IL1RL2: variants seen among roughly 807,000 people sequenced by gnomAD.
The protein encoded by IL1RL2 is interleukin-1 receptor-like 2.
A neutral mutation model predicts 66.8 loss-of-function variants in IL1RL2; 68 were observed. The ratio of observed to expected loss-of-function variants is 1.02; its 90% CI spans 0.84 to 1.25. The LOEUF (loss-of-function observed/expected upper bound fraction) is 1.25, where lower values mean the gene tolerates loss of function less well. Ranked by LOEUF, IL1RL2 falls within the 50% of genes most tolerant of loss-of-function variation. The pLI is 0.00. For missense variants in IL1RL2, 729 were observed against 709.3 expected (o/e 1.03, Z -0.32); for synonymous variants, 305 against 264.6 (o/e 1.15, Z -1.48).
intron 5 of IL1RL2, among the ~76,000 whole-genome samples, chr2:102,206,211 A>G (rs1053778120): frequency 6.6e-6 from 1 of 152,164 alleles, no homozygotes; most frequent in Non-Finnish European, 1.5e-5. Context: ...TGACTGAAAC[A>G]TCACATATCT....
downstream of IL1RL2, among the ~76,000 whole-genome samples, chr2:102,241,978 G>A (rs1181386893): frequency 6.6e-6 from 1 of 152,200 alleles, no homozygotes; most frequent in Admixed American, 6.5e-5. Flanking sequence ...AGGGAGTGGT[G>A]GAGGACATGA....
At chr2:102,212,277 A>G in intron 6 of IL1RL2, 103 bp downstream of exon 6, 1 of 802,706 alleles carries the variant, frequency 1.2e-6, no homozygotes, top group Non-Finnish European at 2.0e-6. Context: ...GATAAATCCT[A>G]TACACACCCA....
intron 3 of IL1RL2, among the ~76,000 whole-genome samples, chr2:102,191,389 A>T (rs1687220010): frequency 6.6e-6 from 1 of 152,182 alleles, no homozygotes; most frequent in Non-Finnish European, 1.5e-5. Flanking sequence ...CAATGATCTC[A>T]TTGAAGACCT....
intron 8 of IL1RL2, among the ~76,000 whole-genome samples, chr2:102,221,019 C>T (rs992076073): frequency 6.6e-6 from 1 of 152,162 alleles, no homozygotes; most frequent in Non-Finnish European, 1.5e-5. Context: ...AGGCCAGTGT[C>T]GTTCTGGCCT....
intron 5 of IL1RL2, among the ~76,000 whole-genome samples, chr2:102,203,777 T>C (rs190217780): frequency 1.3e-5 from 2 of 152,236 alleles, no homozygotes; most frequent in East Asian, 3.9e-4. Flanking sequence ...TATTCATTTC[T>C]GGTTTTATTT....
At chr2:102,239,076 C>A in intron 11 of IL1RL2, 116 bp from the exon 12 acceptor site, 1 of 831,968 alleles carries the variant, frequency 1.2e-6, no homozygotes. Flanking sequence ...AGGGATATAC[C>A]ACCAGATGAA....
chr2:102,204,764 A>G (rs111776051), intron 5 of IL1RL2, among the ~76,000 whole-genome samples: 5,934 of 151,916 alleles, frequency 0.039, 294 homozygotes, highest in African/African-American at 0.11. Context: ...TTATAGGTGA[A>G]GTGTGGAAAC....
rs755265006 is a variant in IL1RL2 at position 102,235,143 on chromosome 2, G to C, written c.1544G>C (p.Gly515Ala). The C allele has an allele frequency of 3.1e-6, 5 of 1,614,178 alleles. No homozygotes were observed. The South Asian group carries it at 3.3e-5, about 11-fold the overall frequency. ...KQKHGAIRWH[G>A]DFTEQSQCMK... ...AAGCATGGTGCCATCCGGTGGCATGGGGACTTCACGGAGCAGTCACAGTGT... is the reference window on the plus strand; with the variant it reads ...AAGCATGGTGCCATCCGGTGGCATGCGGACTTCACGGAGCAGTCACAGTGT... Residue 515 changes from glycine to alanine, a missense_variant, in exon 11 of 12, where the codon GGG (glycine) becomes GCG (alanine). Transcript: ENST00000264257.
chr2:102,198,717 G>A (rs1304707951), intron 4 of IL1RL2, among the ~76,000 whole-genome samples: 1 of 151,608 alleles, frequency 6.6e-6, no homozygotes, highest in African/African-American at 2.4e-5. Flanking sequence ...CTCTATATTT[G>A]GGTCTTAGGA....
chr2:102,189,548 C>T (rs1687044303), intron 3 of IL1RL2, among the ~76,000 whole-genome samples: 1 of 152,238 alleles, frequency 6.6e-6, no homozygotes, highest in South Asian at 2.1e-4. Flanking sequence ...GACCCACTCA[C>T]AAAGTGTGTT....
intron 6 of IL1RL2, among the ~76,000 whole-genome samples, chr2:102,213,465 A>G (rs1242605460): frequency 1.3e-5 from 2 of 152,232 alleles, no homozygotes; most frequent in Non-Finnish European, 2.9e-5. Context: ...ATAAACATAT[A>G]TCAAAACATC....
At chr2:102,222,650 T>C (rs1236581016) in intron 8 of IL1RL2, among the ~76,000 whole-genome samples, 1 of 151,956 alleles carries the variant, frequency 6.6e-6, no homozygotes, top group Non-Finnish European at 1.5e-5. Context: ...AGTAGGTGAG[T>C]TTGAGACAAG....
rs1350428213 is a variant in IL1RL2, at chr2:102,239,458, G to C, written c.*217G>C. 3.9e-6 allele frequency: 2 copies of C among 507,158 alleles called. No homozygotes were observed. The highest frequency in any genetic ancestry group is 6.1e-5 in the Admixed American group (2 of 33,034). The allele number at this position is 507,158 out of a possible 1,614,324, so 31.4% of individuals were successfully genotyped here. A position where few individuals can be genotyped will look rare whatever the true frequency, so the allele number is the denominator to read the frequency against. The stretch of plus-strand genomic sequence containing the variant: ...GGGGCCATCCCCGTGGTCATGGAGG[G>C]TGAGAGCTGGGGGTTATCCCCATGG... On this transcript the variant is annotated 3_prime_UTR_variant, in exon 12 of 12. Transcript: ENST00000264257.
intron 5 of IL1RL2, among the ~76,000 whole-genome samples, chr2:102,202,163 C>T (rs766284154): frequency 5.3e-5 from 8 of 152,082 alleles, no homozygotes; most frequent in African/African-American, 1.2e-4. Context: ...CCTGGGATAT[C>T]CTGCTGCTCA....
Position 102,239,668 on chromosome 2 carries a change from T to C in IL1RL2, c.*427T>C, listed in dbSNP as rs1429827789. The C allele has an allele frequency of 1.6e-5, 3 of 185,604 alleles. No homozygotes were observed. Among genetic ancestry groups the C allele is most frequent in the Admixed American group, 5.4e-5 (1 of 18,648 alleles). 11.5% of individuals were successfully genotyped at this position (185,604 alleles called of 1,614,324 possible). A position where few individuals can be genotyped will look rare whatever the true frequency, so the allele number is the denominator to read the frequency against. On this transcript the variant is annotated 3_prime_UTR_variant, in exon 12 of 12. Coordinates refer to ENST00000264257, the MANE Select transcript of IL1RL2 (RefSeq NM_003854.4). Reference sequence around the variant, plus strand: ...GGGGGTATCCCTACATCATGGTGGGTGAGAGCTGGGAGCATCCCCATGTCA... The same window carrying C: ...GGGGGTATCCCTACATCATGGTGGGCGAGAGCTGGGAGCATCCCCATGTCA...
intron 11 of IL1RL2, among the ~76,000 whole-genome samples, chr2:102,238,614 T>C (rs1675075792): frequency 6.6e-6 from 1 of 152,128 alleles, no homozygotes; most frequent in Non-Finnish European, 1.5e-5. Flanking sequence ...CACATGCTTG[T>C]TTGGTATTGA....
chr2:102,226,979 C>T (rs1690674586), intron 9 of IL1RL2, among the ~76,000 whole-genome samples: 1 of 152,198 alleles, frequency 6.6e-6, no homozygotes, highest in South Asian at 2.1e-4. Flanking sequence ...GTCTGTGGGC[C>T]TATGTCCTGC....
Position 102,212,103 on chromosome 2 carries a change from A to G in IL1RL2, c.653A>G (p.Glu218Gly). Residue 218 changes from glutamate (E) to glycine (G), a missense_variant, in exon 6 of 12, where the codon GAA becomes GGA. By Grantham distance (98) the Glu-to-Gly change is moderately conservative (BLOSUM62 -2). Coordinates refer to ENST00000264257, the MANE Select transcript of IL1RL2 (RefSeq NM_003854.4). ...VLNGITVSITERAGYGGSVPK... is the reference protein window; with the variant it reads ...VLNGITVSITGRAGYGGSVPK... ...TCCTGTGGGTATGATTTCTTAGCAG[A>G]AAGAGCTGGATATGGAGGAAGTGTC... 6.2e-7 allele frequency: 1 copy of G among 1,612,044 alleles called. No individual in the cohort carries two copies.
chr2:102,195,346 A>G (rs984055845), intron 4 of IL1RL2, among the ~76,000 whole-genome samples: 3 of 151,910 alleles, frequency 2.0e-5, no homozygotes, highest in Non-Finnish European at 4.4e-5. Context: ...CTTTTTTCCT[A>G]TATTTTCTTC....
Sources: gnomAD v4.1 joint callset for allele counts (sites outside exome capture counted in the v4.1 genomes callset) on GRCh38, gnomAD v4.1.1 for gene constraint, MANE v1.5 for transcripts, NCBI Gene and HGNC (gene_info 2026-07-23, HGNC 2026-07-21) for gene names.